NEMP2: variants seen among roughly 807,000 people sequenced by gnomAD.
The protein encoded by NEMP2 is UPF0571 transmembrane protein.
Under a neutral mutation model 54.2 loss-of-function variants are expected in NEMP2, and 53 were observed. The ratio of observed to expected loss-of-function variants is 0.98; its 90% CI spans 0.78 to 1.23. NEMP2 has a LOEUF of 1.23. Ranked by LOEUF, NEMP2 falls within the 50% of genes most tolerant of loss-of-function variation. NEMP2 has a pLI of 0.00. For missense variants in NEMP2, 455 were observed against 511.3 expected (o/e 0.89, Z 1.06); for synonymous variants, 197 against 190.3 (o/e 1.04, Z -0.29).
At chr2:190,552,265 T>C in the NEMP2 span, among the ~76,000 whole-genome samples, 1 of 152,218 alleles carries the variant, frequency 6.6e-6, no homozygotes, top group Non-Finnish European at 1.5e-5. Context: ...TGTGGCTGTT[T>C]GGTGGTTCGT....
At chr2:190,434,618 G>GA in the NEMP2 span, among the ~76,000 whole-genome samples, 1 of 152,222 alleles carries the variant, frequency 6.6e-6, no homozygotes, top group East Asian at 1.9e-4. This position sits in a 1 kb window ranked among gnomAD's most constrained non-coding sequence, Gnocchi z 4.3. Flanking sequence ...ACTTTTAGTA[G>GA]AAACGGGGTT....
chr2:190,601,278 C>T, the NEMP2 span, among the ~76,000 whole-genome samples: 10 of 152,164 alleles, frequency 6.6e-5, no homozygotes, highest in Admixed American at 3.9e-4. The surrounding 1 kb of genome is among the most constrained non-coding windows in gnomAD (Gnocchi z 5.8). Flanking sequence ...AGGCCCAGAA[C>T]GATCCTTCCA....
chr2:190,643,877 T>C, the NEMP2 span, among the ~76,000 whole-genome samples: 2 of 152,088 alleles, frequency 1.3e-5, no homozygotes, highest in African/African-American at 4.8e-5. Context: ...GTGAAAGCCA[T>C]GATTGTGCCA....
chr2:190,483,052 C>T, the NEMP2 span, among the ~76,000 whole-genome samples: 28 of 150,664 alleles, frequency 1.9e-4, no homozygotes, highest in African/African-American at 5.6e-4. Flanking sequence ...CCACCGCGCC[C>T]GGCTAATTTT....
chr2:190,638,417 T>C, the NEMP2 span, among the ~76,000 whole-genome samples: 2 of 152,042 alleles, frequency 1.3e-5, no homozygotes, highest in Non-Finnish European at 2.9e-5. The surrounding 1 kb of genome is among the most constrained non-coding windows in gnomAD (Gnocchi z 5.7). Flanking sequence ...CAGAGGGGCC[T>C]TGTGTAACTG....
At chr2:190,575,055 C>G in the NEMP2 span, among the ~76,000 whole-genome samples, 1 of 151,962 alleles carries the variant, frequency 6.6e-6, no homozygotes, top group African/African-American at 2.4e-5. Flanking sequence ...TGGGGTTTCA[C>G]TATGTTGGCC....
Position 190,514,302 on chromosome 2 carries a change from T to TG in NEMP2, c.953+150_953+151insC. 9.6e-6 allele frequency: 7 copies of TG among 726,702 alleles called. No individual in the cohort carries two copies. Among genetic ancestry groups the TG allele is most frequent in the Non-Finnish European group, 1.6e-5 (7 of 437,716 alleles). 45.0% of individuals were successfully genotyped at this position (726,702 alleles called of 1,614,324 possible). On this transcript the variant is annotated intron_variant, in intron 7 of 8. Coordinates refer to ENST00000409150, the MANE Select transcript of NEMP2 (RefSeq NM_001142645.2). The surrounding 1 kb of genome is among the most constrained non-coding windows in gnomAD (Gnocchi z 5.7). ...GAAGATGGGATCAGATGCTTGGAGC[T>TG]CTCTACCCCTACACCCCCAATCTTG...
the NEMP2 span, among the ~76,000 whole-genome samples, chr2:190,446,928 C>T: frequency 1.1e-4 from 16 of 152,304 alleles, no homozygotes; most frequent in African/African-American, 3.8e-4. Context: ...GGATCTCTCC[C>T]AGTGCACTGC....
the NEMP2 span, among the ~76,000 whole-genome samples, chr2:190,558,311 G>A: frequency 6.6e-6 from 1 of 152,116 alleles, no homozygotes; most frequent in East Asian, 1.9e-4. The surrounding 1 kb of genome is among the most constrained non-coding windows in gnomAD (Gnocchi z 4.4). Flanking sequence ...ATCACCCACC[G>A]GGGCCTGTTT....
At chr2:190,462,022 A>G in the NEMP2 span, among the ~76,000 whole-genome samples, 2 of 152,192 alleles carry the variant, frequency 1.3e-5, no homozygotes, top group Middle Eastern at 3.2e-3. The surrounding 1 kb of genome is among the most constrained non-coding windows in gnomAD (Gnocchi z 5.7). Flanking sequence ...ATAACTCACT[A>G]TACGAACTCA....
At chr2:190,643,052 A>T in the NEMP2 span, among the ~76,000 whole-genome samples, 2 of 117,318 alleles carry the variant, frequency 1.7e-5, no homozygotes, top group Non-Finnish European at 1.7e-5. Context: ...TTTTGGGTCA[A>T]AAGAATCCCT....
At chr2:190,543,097 C>G in the NEMP2 span, among the ~76,000 whole-genome samples, 2 of 152,214 alleles carry the variant, frequency 1.3e-5, no homozygotes, top group African/African-American at 4.8e-5. The surrounding 1 kb of genome is among the most constrained non-coding windows in gnomAD (Gnocchi z 4.7). Context: ...AGGCTGCTAT[C>G]TTCTTTTCAG....
At chr2:190,483,127 C>T in the NEMP2 span, among the ~76,000 whole-genome samples, 5 of 151,406 alleles carry the variant, frequency 3.3e-5, no homozygotes, top group Admixed American at 6.6e-5. Context: ...CTCCTGACCT[C>T]GTGATCCACC....
the NEMP2 span, among the ~76,000 whole-genome samples, chr2:190,443,891 C>T: frequency 1.3e-5 from 2 of 151,970 alleles, no homozygotes; most frequent in Non-Finnish European, 2.9e-5. The surrounding 1 kb of genome is among the most constrained non-coding windows in gnomAD (Gnocchi z 4.2). Context: ...CTTGTCTCTA[C>T]AAAAAATAAC....
At chr2:190,580,969 T>C in the NEMP2 span, among the ~76,000 whole-genome samples, 12 of 152,340 alleles carry the variant, frequency 7.9e-5, 1 homozygote, top group South Asian at 2.3e-3. The surrounding 1 kb of genome is among the most constrained non-coding windows in gnomAD (Gnocchi z 5.3). Flanking sequence ...TCAGAAATAA[T>C]TGGATTCCAC....
the NEMP2 span, among the ~76,000 whole-genome samples, chr2:190,581,598 T>G: frequency 3.3e-5 from 5 of 152,244 alleles, no homozygotes; most frequent in African/African-American, 1.2e-4. Flanking sequence ...ACAAATTATA[T>G]TTCTTTTCTT....
downstream of NEMP2, chr2:190,500,955 C>T (rs1045725381): frequency 6.6e-6 from 1 of 152,032 alleles, no homozygotes. The surrounding 1 kb of genome is among the most constrained non-coding windows in gnomAD (Gnocchi z 5.3). Flanking sequence ...AAAACAGAAA[C>T]AAGCGATTAT....
chr2:190,595,640 A>G, the NEMP2 span, among the ~76,000 whole-genome samples: 1 of 152,214 alleles, frequency 6.6e-6, no homozygotes, highest in African/African-American at 2.4e-5. This position sits in a 1 kb window ranked among gnomAD's most constrained non-coding sequence, Gnocchi z 4.0. Flanking sequence ...GCCAACAAAC[A>G]TGAAAAAAAG....
the NEMP2 span, among the ~76,000 whole-genome samples, chr2:190,554,893 C>A: frequency 6.6e-6 from 1 of 152,200 alleles, no homozygotes. This position sits in a 1 kb window ranked among gnomAD's most constrained non-coding sequence, Gnocchi z 5.7. Context: ...CCGACAGACA[C>A]CTCATACAGG....
Sources: allele counts gnomAD v4.1 joint callset (sites outside exome capture counted in the v4.1 genomes callset), GRCh38; gene constraint gnomAD v4.1.1; non-coding constraint Gnocchi (gnomAD v3.1); transcripts MANE v1.5; gene names NCBI Gene and HGNC (gene_info 2026-07-23, HGNC 2026-07-21).